Variants in CD2AP observed in about 807,000 individuals in gnomAD.
The protein encoded by CD2AP is CD2 associated protein.
CD2AP carries 46 observed loss-of-function variants against 85.1 expected under a neutral mutation model. The ratio of observed to expected loss-of-function variants is 0.54; its 90% CI spans 0.43 to 0.69. The LOEUF (loss-of-function observed/expected upper bound fraction) is 0.69. CD2AP is among the 30% of genes least tolerant of loss of function. The pLI is 0.00. For synonymous variants in CD2AP, 255 were observed against 252.9 expected (o/e 1.01, Z -0.08); for missense variants, 769 against 729.5 (o/e 1.05, Z -0.62).
At chr6:47,618,272 A>G (rs1769650692) in intron 17 of CD2AP, among the ~76,000 whole-genome samples, 2 of 152,230 alleles carry the variant, frequency 1.3e-5, no homozygotes, top group Admixed American at 6.5e-5. Flanking sequence ...GTGAGCCGAT[A>G]TCATGCCACT....
chr6:47,500,840 G>A (rs190615285), intron 1 of CD2AP, among the ~76,000 whole-genome samples: 132 of 150,656 alleles, frequency 8.8e-4, no homozygotes, highest in African/African-American at 3.1e-3. Flanking sequence ...TCCGCCTCCC[G>A]GATTCACGCC....
chr6:47,480,998 A>G (rs1348311614), intron 1 of CD2AP, among the ~76,000 whole-genome samples: 2 of 152,230 alleles, frequency 1.3e-5, no homozygotes, highest in East Asian at 3.8e-4. Context: ...TTTAGTGTCT[A>G]CATTTGTTAA....
chr6:47,540,675 A>G (rs1219630376), intron 3 of CD2AP, among the ~76,000 whole-genome samples: 1 of 152,198 alleles, frequency 6.6e-6, no homozygotes, highest in Non-Finnish European at 1.5e-5. Context: ...TAGGCTGCTC[A>G]GACTTCATTG....
At chr6:47,550,306 C>A (rs1382225454) in intron 4 of CD2AP, among the ~76,000 whole-genome samples, 1 of 152,122 alleles carries the variant, frequency 6.6e-6, no homozygotes, top group Non-Finnish European at 1.5e-5. Context: ...ATCTATACAT[C>A]TGACAAAGGA....
At chr6:47,612,076 AT>A (rs1022610062) in intron 16 of CD2AP, among the ~76,000 whole-genome samples, 6 of 152,146 alleles carry the variant, frequency 3.9e-5, no homozygotes, top group Non-Finnish European at 7.4e-5. Flanking sequence ...AGTCTAGGTT[AT>A]GTTACCAGAT....
At chr6:47,575,512 TAGGG>T (rs1248860419) in intron 6 of CD2AP, among the ~76,000 whole-genome samples, 2 of 152,262 alleles carry the variant, frequency 1.3e-5, no homozygotes, top group East Asian at 1.9e-4. Flanking sequence ...ATTGATAAAA[TAGGG>T]AGCACATTTG....
At chr6:47,606,370 A>T in intron 14 of CD2AP, 93 bp downstream of exon 14, 1 of 781,510 alleles carries the variant, frequency 1.3e-6, no homozygotes, top group Non-Finnish European at 2.3e-6. Context: ...CTAAGTTTGA[A>T]AATCAGGAGG....
At chr6:47,589,379 T>TACACACACACAGACACACACAC (rs1554182234) in intron 11 of CD2AP, among the ~76,000 whole-genome samples, 2 of 139,386 alleles carry the variant, frequency 1.4e-5, no homozygotes, top group Admixed American at 1.5e-4. Context: ...CTCTTGAATA[T>TACACACACACAGACACACACAC]ACACACACAC....
chr6:47,582,691 A>T (rs1447015280), intron 11 of CD2AP, among the ~76,000 whole-genome samples: 2 of 152,036 alleles, frequency 1.3e-5, no homozygotes, highest in African/African-American at 4.8e-5. Context: ...TTTCTTGCCT[A>T]AAGTATTGTA....
At chr6:47,493,336 A>G (rs1765780251) in intron 1 of CD2AP, among the ~76,000 whole-genome samples, 1 of 140,378 alleles carries the variant, frequency 7.1e-6, no homozygotes, top group South Asian at 2.3e-4. Context: ...TTTACTAGAT[A>G]CAGATTTCTA....
chr6:47,549,460 C>CAAAAAAAAAAAAAAAAAAAAAAA (rs67626138), intron 4 of CD2AP, among the ~76,000 whole-genome samples: 2 of 110,714 alleles, frequency 1.8e-5, no homozygotes, highest in Non-Finnish European at 1.8e-5. Context: ...ACAATAGCTG[C>CAAAAAAAAAAAAAAAAAAAAAAA]AAAAAAAAAA....
intron 3 of CD2AP, among the ~76,000 whole-genome samples, chr6:47,541,375 C>T (rs1053983879): frequency 1.3e-5 from 2 of 152,162 alleles, no homozygotes; most frequent in African/African-American, 2.4e-5. Flanking sequence ...CCGCCTGCCT[C>T]GGCCTCCCAA....
intron 2 of CD2AP, among the ~76,000 whole-genome samples, chr6:47,526,175 A>G (rs956710974): frequency 2.6e-5 from 4 of 152,186 alleles, no homozygotes; most frequent in African/African-American, 9.7e-5. Context: ...TGCTATTGAA[A>G]TTGATAGCCA....
Position 47,533,632 on chromosome 6 carries a change from G to T in CD2AP, c.196G>T (p.Asp66Tyr), listed in dbSNP as rs146865776. The change falls in exon 3 of 18, where the codon GAC becomes TAC. Residue 66 changes from aspartate (D) to tyrosine (Y), a missense_variant. Transcript: ENST00000359314. Reference protein sequence around the residue: ...EIKRETEFKDDSLPIKRERHG... With the variant: ...EIKRETEFKDYSLPIKRERHG... ...TAAAAGAGAGACGGAATTCAAGGATGACAGTTTGCCCATCAAACGGGAAAG... is the reference window on the plus strand; with the variant it reads ...TAAAAGAGAGACGGAATTCAAGGATTACAGTTTGCCCATCAAACGGGAAAG... The T allele has an allele frequency of 6.2e-7, 1 of 1,613,876 alleles. No individual in the cohort carries two copies.
At chr6:47,524,196 T>A (rs1191737305) in intron 2 of CD2AP, among the ~76,000 whole-genome samples, 1 of 152,146 alleles carries the variant, frequency 6.6e-6, no homozygotes, top group African/African-American at 2.4e-5. Context: ...TCGGCTAAGG[T>A]ATTTCAGATT....
chr6:47,523,599 A>G (rs189777302), intron 2 of CD2AP, among the ~76,000 whole-genome samples: 1 of 152,268 alleles, frequency 6.6e-6, no homozygotes, highest in East Asian at 1.9e-4. Context: ...TTAAAGCATT[A>G]ACTATTTTAC....
intron 4 of CD2AP, among the ~76,000 whole-genome samples, chr6:47,553,432 C>T (rs758663817): frequency 4.0e-5 from 6 of 151,138 alleles, no homozygotes; most frequent in Admixed American, 1.3e-4. Context: ...CTGCAACCTC[C>T]GCTTCCCAGG....
intron 3 of CD2AP, among the ~76,000 whole-genome samples, chr6:47,538,798 A>G (rs1767123277): frequency 1.3e-5 from 2 of 152,202 alleles, no homozygotes; most frequent in Admixed American, 1.3e-4. Context: ...TTTGATCTGA[A>G]TATTTACATC....
chr6:47,527,106 T>TCCCCC (rs11439961), intron 2 of CD2AP, among the ~76,000 whole-genome samples: 35 of 141,638 alleles, frequency 2.5e-4, no homozygotes, highest in African/African-American at 8.7e-4. Context: ...AATAAAAGAC[T>TCCCCC]CCCCCCCGAT....
Sources: allele counts gnomAD v4.1 joint callset (sites outside exome capture counted in the v4.1 genomes callset), GRCh38; gene constraint gnomAD v4.1.1; transcripts MANE v1.5; gene names NCBI Gene and HGNC (gene_info 2026-07-23, HGNC 2026-07-21).